The following LRRC4C variants were observed in gnomAD, a reference collection of about 807,000 sequenced individuals.
LRRC4C encodes the protein leucine rich repeat containing 4C, also known as leucine-rich repeat-containing protein 4C.
In LRRC4C, 5 loss-of-function variants were observed where a neutral mutation model predicts 33.6. That is an observed-to-expected ratio of 0.15 (90% CI 0.08 to 0.31). The LOEUF (loss-of-function observed/expected upper bound fraction) is 0.31. LRRC4C is among the 10% of genes least tolerant of loss of function. The pLI is 1.00. For synonymous variants in LRRC4C, 329 were observed against 302.0 expected (o/e 1.09, Z -0.93); for missense variants, 560 against 796.7 (o/e 0.70, Z 3.58).
At chr11:40,928,039 G>A (rs1173924575) in intron 2 of LRRC4C, among the ~76,000 whole-genome samples, 1 of 151,802 alleles carries the variant, frequency 6.6e-6, no homozygotes, top group African/African-American at 2.4e-5. Flanking sequence ...AAGTTTAAAA[G>A]GGAAATATTA....
At chr11:40,333,667 A>G (rs1254622437) in intron 3 of LRRC4C, among the ~76,000 whole-genome samples, 1 of 144,946 alleles carries the variant, frequency 6.9e-6, no homozygotes, top group Non-Finnish European at 1.5e-5. Flanking sequence ...CAGTGAGCTG[A>G]CATGGCGCCA....
At chr11:41,273,278 A>T (rs1429051948) in intron 1 of LRRC4C, among the ~76,000 whole-genome samples, 1 of 152,170 alleles carries the variant, frequency 6.6e-6, no homozygotes, top group Non-Finnish European at 1.5e-5. Context: ...ACTTCCGGTT[A>T]TGTATCCAAG....
chr11:40,303,271 T>A (rs1440935859), intron 4 of LRRC4C, among the ~76,000 whole-genome samples: 1 of 152,190 alleles, frequency 6.6e-6, no homozygotes, highest in Admixed American at 6.5e-5. Flanking sequence ...GGTTAGAATC[T>A]ACAAAGTTTT....
rs1855244604 is a variant in LRRC4C, at chr11:40,114,223, G to C, written c.*147C>G. ...ATTTTGTCTGCTTTAGATCACAATAGAATTTTTAATAAATAAATTTCTTTT... is the reference window on the plus strand; with the variant it reads ...ATTTTGTCTGCTTTAGATCACAATACAATTTTTAATAAATAAATTTCTTTT... On this transcript the variant is annotated 3_prime_UTR_variant, in exon 7 of 7. Transcript: ENST00000528697. The C allele has an allele frequency of 6.3e-6, 6 of 951,812 alleles. No homozygotes were observed. Among genetic ancestry groups the C allele is most frequent in the Non-Finnish European group, 8.9e-6 (6 of 671,812 alleles). 59.0% of individuals were successfully genotyped at this position (951,812 alleles called of 1,614,324 possible).
At chr11:40,801,300 TG>T (rs1414818419) in intron 2 of LRRC4C, among the ~76,000 whole-genome samples, 2 of 152,190 alleles carry the variant, frequency 1.3e-5, no homozygotes, top group Admixed American at 1.3e-4. Context: ...TCCCTCCAGC[TG>T]GTGTGCCCTT....
chr11:40,856,496 C>T (rs1418531268), intron 2 of LRRC4C, among the ~76,000 whole-genome samples: 1 of 152,124 alleles, frequency 6.6e-6, no homozygotes, highest in Non-Finnish European at 1.5e-5. Context: ...TTCTGGAATT[C>T]GCATAGATTC....
chr11:40,574,872 A>T (rs949501080), intron 3 of LRRC4C, among the ~76,000 whole-genome samples: 5 of 152,170 alleles, frequency 3.3e-5, no homozygotes, highest in Non-Finnish European at 5.9e-5. Flanking sequence ...TACTGATATG[A>T]GCACATAGTA....
intron 1 of LRRC4C, among the ~76,000 whole-genome samples, chr11:41,030,944 G>A (rs1856696548): frequency 6.6e-6 from 1 of 151,606 alleles, no homozygotes; most frequent in South Asian, 2.1e-4. Context: ...AAATTTTTCT[G>A]GCTTTGAAAA....
chr11:40,964,417 C>T (rs1973148), intron 1 of LRRC4C, among the ~76,000 whole-genome samples: 35,203 of 151,510 alleles, frequency 0.23, 4,484 homozygotes, highest in Middle Eastern at 0.32. Context: ...ATGTGCACAA[C>T]GTGCAGGTTT....
rs59844720 is a variant in LRRC4C, at chr11:40,898,774, G to GA, written c.-407+34860dup. On this transcript the variant is annotated intron_variant, in intron 2 of 6. Transcript: ENST00000528697. Reference sequence around the variant, plus strand: ...AAAATTCCTTGCTTTATTTGATAAAGAAAAAAAAAAACATTAACCAACCAC... The same window carrying GA: ...AAAATTCCTTGCTTTATTTGATAAAGAAAAAAAAAAAACATTAACCAACCAC... Among the ~76,000 whole-genome samples the GA allele has an allele frequency of 4.8e-3, 702 of 145,366 alleles. 2 individuals carry two copies. Among genetic ancestry groups the GA allele is most frequent in the African/African-American group, 0.013 (520 of 40,276 alleles).
intron 5 of LRRC4C, among the ~76,000 whole-genome samples, chr11:40,236,649 T>C (rs1450023741): frequency 6.6e-6 from 1 of 151,902 alleles, no homozygotes; most frequent in Non-Finnish European, 1.5e-5. Flanking sequence ...CTCCCCCAGC[T>C]CTCTTTTTCC....
At chr11:40,905,662 A>G (rs1465922679) in intron 2 of LRRC4C, among the ~76,000 whole-genome samples, 1 of 152,220 alleles carries the variant, frequency 6.6e-6, no homozygotes, top group Non-Finnish European at 1.5e-5. Flanking sequence ...AGTCCAGCAC[A>G]GCACTAGGCA....
intron 2 of LRRC4C, among the ~76,000 whole-genome samples, chr11:40,813,771 G>A (rs1951590614): frequency 6.6e-6 from 1 of 151,814 alleles, no homozygotes; most frequent in African/African-American, 2.4e-5. Context: ...ATTCCAAATG[G>A]GAGAAACTGG....
rs115465037 is a variant in LRRC4C, at chr11:40,333,425, T to C, written c.-269-13704A>G. ...AAAATTGTAGTTGTCATTTTTAAAA[T>C]TGTAAATATGGCCTGGCGTGGTGGC... is the stretch of plus-strand genomic sequence containing the variant. On this transcript the variant is annotated intron_variant, in intron 3 of 6. Coordinates refer to ENST00000528697, the MANE Select transcript of LRRC4C (RefSeq NM_001258419.2). Among the ~76,000 whole-genome samples, 241 of 152,144 alleles carry C rather than the reference T, an allele frequency of 1.6e-3. 1 individual carries two copies. The highest frequency in any genetic ancestry group is 5.6e-3 in the African/African-American group (232 of 41,532).
intron 1 of LRRC4C, among the ~76,000 whole-genome samples, chr11:41,357,059 A>T (rs1952187774): frequency 1.3e-5 from 2 of 151,962 alleles, no homozygotes; most frequent in Admixed American, 6.6e-5. Flanking sequence ...AAAAAAAAAT[A>T]CCAACAGCAT....
intron 2 of LRRC4C, among the ~76,000 whole-genome samples, chr11:40,834,152 G>A (rs1437957546): frequency 6.6e-6 from 1 of 152,096 alleles, no homozygotes; most frequent in African/African-American, 2.4e-5. Flanking sequence ...AATCTCTAAA[G>A]CTAAGGAATT....
At chr11:40,193,682 C>A (rs1030041740) in intron 5 of LRRC4C, among the ~76,000 whole-genome samples, 11 of 151,968 alleles carry the variant, frequency 7.2e-5, no homozygotes, top group African/African-American at 2.4e-4. Flanking sequence ...ATGTTCTAAC[C>A]CAATGCAGGG....
intron 2 of LRRC4C, among the ~76,000 whole-genome samples, chr11:40,826,535 G>A (rs989063809): frequency 7.9e-5 from 12 of 151,774 alleles, no homozygotes; most frequent in African/African-American, 2.2e-4. Flanking sequence ...CAGAGAAAAC[G>A]CACGTCTTTT....
chr11:40,661,816 A>G (rs1308248253), intron 2 of LRRC4C, among the ~76,000 whole-genome samples: 1 of 152,178 alleles, frequency 6.6e-6, no homozygotes, highest in African/African-American at 2.4e-5. Flanking sequence ...TGTGAGCTTG[A>G]TTCTTTATAG....
Sources: allele counts gnomAD v4.1 joint callset (sites outside exome capture counted in the v4.1 genomes callset), GRCh38; gene constraint gnomAD v4.1.1; transcripts MANE v1.5; gene names NCBI Gene and HGNC (gene_info 2026-07-23, HGNC 2026-07-21).